PODXL2: variants seen among roughly 807,000 people sequenced by gnomAD.
PODXL2 encodes podocalyxin like 2, also known as podocalyxin-like protein 2.
Under a neutral mutation model 53.4 loss-of-function variants are expected in PODXL2, and 17 were observed. That is an observed-to-expected ratio of 0.32 (90% CI 0.22 to 0.48). The LOEUF (loss-of-function observed/expected upper bound fraction) is 0.48. PODXL2 is among the 20% of genes least tolerant of loss of function. The probability of loss-of-function intolerance (pLI) is 0.99; values close to 1 mark genes in which losing one functional copy is unlikely to be tolerated. For missense variants in PODXL2, 673 were observed against 760.0 expected, an observed-to-expected ratio of 0.89 and a Z score of 1.35; for synonymous variants, 311 against 306.7, an observed-to-expected ratio of 1.01 and a Z score of -0.15.
Position 127,668,525 on chromosome 3 carries a change from G to A in PODXL2, c.1291G>A (p.Ala431Thr). Reference protein sequence around the residue: ...LPRHGSGHHGAWHISLSKPSE... With the variant: ...LPRHGSGHHGTWHISLSKPSE... ...CCGCCATGGCAGTGGCCACCATGGG[G>A]CCTGGCACATCTCTCTGAGCAAGCC... Residue 431 changes from alanine to threonine, a missense_variant, in exon 5 of 8, where the codon GCC becomes ACC. Ala to Thr is a moderately conservative substitution (Grantham distance 58, BLOSUM62 0). Transcript: ENST00000342480. 6.3e-7 allele frequency: 1 copy of A among 1,581,186 alleles called. No homozygotes were observed. Among genetic ancestry groups the A allele is most frequent in the South Asian group, 1.2e-5 (1 of 85,008 alleles).
chr3:127,642,726 A>G (rs186891746), intron 2 of PODXL2, among the ~76,000 whole-genome samples: 88 of 152,342 alleles, frequency 5.8e-4, no homozygotes, highest in African/African-American at 2.0e-3. Context: ...TATACAGAAT[A>G]TGTGTATTCT....
chr3:127,662,199 T>C, intron 3 of PODXL2, 38 bp from the exon 4 acceptor site: 2 of 1,581,426 alleles, frequency 1.3e-6, no homozygotes, highest in South Asian at 2.2e-5. Context: ...TTCCTATGCC[T>C]TCGTAACTGT....
intron 2 of PODXL2, among the ~76,000 whole-genome samples, 187 bp from the exon 3 acceptor site, chr3:127,660,191 A>G (rs1322778335): frequency 1.3e-5 from 2 of 152,152 alleles, no homozygotes; most frequent in African/African-American, 2.4e-5. Context: ...TTATCATCAT[A>G]AAGGAAACAG....
In PODXL2 at chr3:127,672,468, C is replaced by T. The variant is rs776984004; in HGVS notation, c.1806C>T (p.Asp602=). 3.3e-6 allele frequency: 5 copies of T among 1,518,668 alleles called. No homozygotes were observed. The highest frequency in any genetic ancestry group is 2.0e-5 in the Admixed American group (1 of 49,256). The allele number at this position is 1,518,668 out of a possible 1,614,324, so 94.1% of individuals were successfully genotyped here. A position where few individuals can be genotyped will look rare whatever the true frequency, so the allele number is the denominator to read the frequency against. Residue 602 remains aspartate (D), a synonymous_variant, in exon 8 of 8, where the codon GAC becomes GAT. Coordinates refer to ENST00000342480, the MANE Select transcript of PODXL2 (RefSeq NM_015720.4). The stretch of plus-strand genomic sequence containing the variant: ...AGGACTCGGACGTGTTCGAGGAGGA[C>T]ACGCACCTGTGAGCGCAGCCGAGGC... ...DPEDSDVFEE[D]THL is the part of the protein sequence containing the mutation.
At position 127,672,170 on chromosome 3, in the gene PODXL2, G is replaced by A. The variant is rs2074850798; in HGVS notation, c.1606-98G>A. 10 of 897,550 alleles carry A rather than the reference G, an allele frequency of 1.1e-5. No homozygotes were observed. The South Asian group carries it at 1.2e-4, about 11-fold the overall frequency. The allele number at this position is 897,550 out of a possible 1,614,324, so 55.6% of individuals were successfully genotyped here. On this transcript the variant is annotated intron_variant, in intron 7 of 7. Transcript: ENST00000342480. Reference sequence around the variant, plus strand: ...GGATCTGGCACCTGTGGAGGGTGCCGCGGGAACCCCCTGGGTGGGGTTGCA... The same window carrying A: ...GGATCTGGCACCTGTGGAGGGTGCCACGGGAACCCCCTGGGTGGGGTTGCA...
intron 2 of PODXL2, among the ~76,000 whole-genome samples, chr3:127,645,107 C>G (rs1191487053): frequency 6.6e-6 from 1 of 152,258 alleles, no homozygotes; most frequent in Non-Finnish European, 1.5e-5. Flanking sequence ...GCAGAAAATG[C>G]TCTTGATAGT....
In PODXL2 at chr3:127,668,092, A is replaced by G. The variant is rs533872528; in HGVS notation, c.1207-349A>G. On this transcript the variant is annotated intron_variant, in intron 4 of 7. Transcript: ENST00000342480. ...ACCCAGTTTCTGGGCTTGTCACTGT[A>G]CATGGCTGCGTGTGTGTGTGTGTGT... Among the ~76,000 whole-genome samples the G allele has an allele frequency of 2.5e-4, 35 of 142,674 alleles. No individual in the cohort carries two copies. In the South Asian group the frequency reaches 8.1e-3, roughly 33 times the overall value. The allele number at this position is 142,674 out of a possible 152,430, so 93.6% of individuals were successfully genotyped here. A position where few individuals can be genotyped will look rare whatever the true frequency, so the allele number is the denominator to read the frequency against.
intron 1 of PODXL2, among the ~76,000 whole-genome samples, chr3:127,636,409 C>G (rs942981681): frequency 6.6e-6 from 1 of 152,198 alleles, no homozygotes; most frequent in Non-Finnish European, 1.5e-5. Context: ...AAGTCTTGAG[C>G]TAGAGAGAGT....
chr3:127,654,855 G>T (rs2074712021), intron 2 of PODXL2, among the ~76,000 whole-genome samples: 1 of 152,168 alleles, frequency 6.6e-6, no homozygotes, highest in South Asian at 2.1e-4. Context: ...GGAGGGCCAA[G>T]GTGGGCGAAT....
intron 1 of PODXL2, among the ~76,000 whole-genome samples, chr3:127,630,623 A>G (rs1481913459): frequency 6.6e-6 from 1 of 152,128 alleles, no homozygotes; most frequent in Admixed American, 6.5e-5. Flanking sequence ...CCCAGGGTAA[A>G]TGGCTGGGAG....
intron 2 of PODXL2, 106 bp downstream of exon 2, chr3:127,639,629 A>C: frequency 9.4e-7 from 1 of 1,063,712 alleles, no homozygotes; most frequent in Non-Finnish European, 1.4e-6. Context: ...CTCTCCCTAC[A>C]GTTTTTACCA....
At chr3:127,661,304 T>C (rs1024386437) in intron 3 of PODXL2, 145 bp downstream of exon 3, 14 of 639,234 alleles carry the variant, frequency 2.2e-5, no homozygotes, top group Admixed American at 8.7e-5. Context: ...ATGGAACTTG[T>C]GGGGATGCAA....
In PODXL2 at chr3:127,662,285, C is replaced by T; in HGVS notation, c.1180C>T (p.Leu394=). ...TCTGGCTGGGAAAAACTACATCATT[C>T]TGAACATGACAGAGAACATAGACTG... ...SNLAGKNYII[L]NMTENIDCEV... Residue 394 remains leucine (L), a synonymous_variant, in exon 4 of 8, where the codon CTG becomes TTG. Coordinates refer to ENST00000342480, the MANE Select transcript of PODXL2 (RefSeq NM_015720.4). 1 of 1,613,972 alleles carries T rather than the reference C, an allele frequency of 6.2e-7. No individual in the cohort carries two copies. The highest frequency in any genetic ancestry group is 8.5e-7 in the Non-Finnish European group (1 of 1,179,916).
chr3:127,650,175 A>T (rs1355160117), intron 2 of PODXL2, among the ~76,000 whole-genome samples: 2 of 152,148 alleles, frequency 1.3e-5, no homozygotes, highest in African/African-American at 4.8e-5. Context: ...GAATAGAAGA[A>T]TCAGTTCATT....
intron 2 of PODXL2, among the ~76,000 whole-genome samples, chr3:127,643,224 C>A (rs1256666644): frequency 6.6e-6 from 1 of 150,668 alleles, no homozygotes; most frequent in Non-Finnish European, 1.5e-5. Context: ...CTTTTTTTTT[C>A]TTCGAGATGG....
At chr3:127,633,724 A>G (rs1445663574) in intron 1 of PODXL2, among the ~76,000 whole-genome samples, 1 of 152,074 alleles carries the variant, frequency 6.6e-6, no homozygotes, top group East Asian at 1.9e-4. Context: ...TGGAGGCTGT[A>G]TGAAGGTCTC....
intron 3 of PODXL2, among the ~76,000 whole-genome samples, chr3:127,661,832 C>T (rs797015262): frequency 5.3e-5 from 8 of 152,244 alleles, no homozygotes; most frequent in African/African-American, 1.7e-4. Context: ...TCCTCCCCAC[C>T]GACACCCATG....
chr3:127,630,972 G>A (rs1368838370), intron 1 of PODXL2, among the ~76,000 whole-genome samples: 1 of 152,220 alleles, frequency 6.6e-6, no homozygotes, highest in East Asian at 1.9e-4. Flanking sequence ...GACCAGCTGT[G>A]AGGACTGCAG....
chr3:127,651,052 G>A (rs573430564), intron 2 of PODXL2, among the ~76,000 whole-genome samples: 150 of 152,278 alleles, frequency 9.9e-4, no homozygotes, highest in African/African-American at 3.4e-3. Flanking sequence ...ATCACCTGAG[G>A]TCAGGAGTTC....
Sources: gnomAD v4.1 joint callset for allele counts (sites outside exome capture counted in the v4.1 genomes callset) on GRCh38, gnomAD v4.1.1 for gene constraint, MANE v1.5 for transcripts, NCBI Gene and HGNC (gene_info 2026-07-23, HGNC 2026-07-21) for gene names.